The following GPC5 variants were observed in gnomAD, a reference collection of about 807,000 sequenced individuals.
GPC5 encodes the protein glypican-5.
Under a neutral mutation model 53.9 loss-of-function variants are expected in GPC5, and 47 were observed. That is an observed-to-expected ratio of 0.87 (90% confidence interval 0.69 to 1.11). The LOEUF (loss-of-function observed/expected upper bound fraction) is 1.11, where lower values mean the gene tolerates loss of function less well. Among genes scored for constraint, GPC5 ranks in the 50% most tolerant of loss-of-function variants. GPC5 has a pLI of 0.00. For synonymous variants in GPC5, 286 were observed against 263.3 expected, an observed-to-expected ratio of 1.09 and a Z score of -0.84; for missense variants, 748 against 713.1, an observed-to-expected ratio of 1.05 and a Z score of -0.56.
At chr13:91,824,100 C>T (rs2038538007) in intron 5 of GPC5, among the ~76,000 whole-genome samples, 1 of 151,966 alleles carries the variant, frequency 6.6e-6, no homozygotes, top group South Asian at 2.1e-4. Flanking sequence ...TTTAAAAAGT[C>T]TTCAGGGAAA....
At chr13:92,315,454 T>A (rs1358222553) in intron 7 of GPC5, among the ~76,000 whole-genome samples, 4 of 152,220 alleles carry the variant, frequency 2.6e-5, no homozygotes, top group Non-Finnish European at 1.5e-5. Context: ...ATACCCATAG[T>A]GATTTGGGCA....
intron 7 of GPC5, among the ~76,000 whole-genome samples, chr13:92,441,258 G>A (rs1877546917): frequency 6.6e-6 from 1 of 152,142 alleles, no homozygotes; most frequent in African/African-American, 2.4e-5. Flanking sequence ...TAGTAGAGAT[G>A]GGGTTTCGCC....
intron 5 of GPC5, among the ~76,000 whole-genome samples, chr13:91,822,061 G>A (rs1030472834): frequency 2.6e-5 from 4 of 152,172 alleles, no homozygotes; most frequent in Admixed American, 6.5e-5. Flanking sequence ...TGACTACACC[G>A]TAGAGTTCAA....
intron 3 of GPC5, among the ~76,000 whole-genome samples, chr13:91,709,564 G>A (rs538548273): frequency 6.6e-5 from 10 of 152,282 alleles, no homozygotes; most frequent in Non-Finnish European, 1.5e-5. Context: ...TCTGTGTTGC[G>A]AATAGATACC....
At position 92,491,885 on chromosome 13, in the gene GPC5, G is replaced by T. The variant is rs569850587; in HGVS notation, c.1561+346896G>T. Among the ~76,000 whole-genome samples, 4 of 151,900 alleles carry T rather than the reference G, an allele frequency of 2.6e-5. No homozygotes were observed. In the East Asian group the frequency reaches 7.8e-4, roughly 29 times the overall value. ...TTTGCCCTCAGTTTTCTTCTCTGTT[G>T]GTTCAAAGGAGATTCTTGTTAACTG... On this transcript the variant is annotated intron_variant, in intron 7 of 7. Transcript: ENST00000377067.
rs1491166204 is a variant in GPC5, at chr13:92,347,901, A to AG, written c.1561+202912_1561+202913insG. On this transcript the variant is annotated intron_variant, in intron 7 of 7. Coordinates refer to ENST00000377067, the MANE Select transcript of GPC5 (RefSeq NM_004466.6). ...TATATATTATATATATTATATATATAATATATATATAATATATATATATTA... is the reference window on the plus strand; with the variant it reads ...TATATATTATATATATTATATATATAGATATATATATAATATATATATATTA... Among the ~76,000 whole-genome samples, 5 of 13,960 alleles carry AG rather than the reference A, an allele frequency of 3.6e-4. 2 individuals carry two copies. The East Asian group carries it at 0.012, about 34-fold the overall frequency. 9.2% of individuals were successfully genotyped at this position (13,960 alleles called of 152,430 possible). A position where few individuals can be genotyped will look rare whatever the true frequency, so the allele number is the denominator to read the frequency against.
At chr13:91,630,819 A>G (rs1320145797) in intron 2 of GPC5, among the ~76,000 whole-genome samples, 1 of 152,122 alleles carries the variant, frequency 6.6e-6, no homozygotes, top group Non-Finnish European at 1.5e-5. Context: ...AAGGGGGTCA[A>G]GAAGGTTTTT....
chr13:91,911,037 G>A lies in GPC5; in HGVS notation c.1401+2980G>A, dbSNP rs912671838. Reference sequence around the variant, plus strand: ...GAAGAAAGGAGTCACAGGAAAACCTGTGAGAACTGTGTCTGGGGCAGAAGG... The same window carrying A: ...GAAGAAAGGAGTCACAGGAAAACCTATGAGAACTGTGTCTGGGGCAGAAGG... On this transcript the variant is annotated intron_variant, in intron 6 of 7. Coordinates refer to ENST00000377067, the MANE Select transcript of GPC5 (RefSeq NM_004466.6). Among the ~76,000 whole-genome samples the A allele has an allele frequency of 7.2e-5, 11 of 152,132 alleles. 1 individual carries two copies. Among genetic ancestry groups the A allele is most frequent in the African/African-American group, 1.7e-4 (7 of 41,426 alleles).
chr13:92,663,653 T>TATATATATACTATATATATACA (rs1886432878), intron 7 of GPC5, among the ~76,000 whole-genome samples: 3 of 130,370 alleles, frequency 2.3e-5, no homozygotes, highest in African/African-American at 9.5e-5. Flanking sequence ...ATATATATAC[T>TATATATATACTATATATATACA]ATATATATAT....
chr13:92,284,027 T>C (rs1406670208), intron 7 of GPC5, among the ~76,000 whole-genome samples: 5 of 151,804 alleles, frequency 3.3e-5, no homozygotes, highest in African/African-American at 4.8e-5. Flanking sequence ...AAGAATCAAA[T>C]AGACACAATA....
chr13:92,011,091 A>G (rs375523153), intron 6 of GPC5, among the ~76,000 whole-genome samples: 6 of 152,236 alleles, frequency 3.9e-5, no homozygotes, highest in Admixed American at 2.6e-4. Flanking sequence ...AGATGTAAAT[A>G]TAACTCTATA....
intron 7 of GPC5, among the ~76,000 whole-genome samples, chr13:92,489,324 A>T (rs986165481): frequency 6.6e-6 from 1 of 152,206 alleles, no homozygotes; most frequent in East Asian, 1.9e-4. Flanking sequence ...CTAGAGATAC[A>T]TCTTGTGACT....
chr13:91,544,783 G>C (rs759494497), intron 2 of GPC5, among the ~76,000 whole-genome samples: 1 of 152,052 alleles, frequency 6.6e-6, no homozygotes, highest in Non-Finnish European at 1.5e-5. Flanking sequence ...TTATTATCTC[G>C]CAATTTCTGA....
At chr13:91,615,134 G>A (rs897429519) in intron 2 of GPC5, among the ~76,000 whole-genome samples, 1 of 152,160 alleles carries the variant, frequency 6.6e-6, no homozygotes, top group African/African-American at 2.4e-5. Flanking sequence ...TGTTCTCACA[G>A]GATGTTTTAA....
At chr13:92,489,900 A>G (rs1016362502) in intron 7 of GPC5, among the ~76,000 whole-genome samples, 6 of 152,106 alleles carry the variant, frequency 3.9e-5, no homozygotes, top group African/African-American at 1.4e-4. Flanking sequence ...CAGCTTCTAA[A>G]AGGATAAAAT....
chr13:92,123,576 T>C (rs1257839800), intron 6 of GPC5, among the ~76,000 whole-genome samples: 1 of 152,198 alleles, frequency 6.6e-6, no homozygotes, highest in Non-Finnish European at 1.5e-5. Flanking sequence ...CTGATACCTT[T>C]TTTTGGAAAG....
At chr13:92,728,098 C>CA (rs1386670476) in intron 7 of GPC5, among the ~76,000 whole-genome samples, 2 of 151,462 alleles carry the variant, frequency 1.3e-5, no homozygotes, top group African/African-American at 2.4e-5. Flanking sequence ...CATAGAATGA[C>CA]AAAAAAATTT....
intron 6 of GPC5, among the ~76,000 whole-genome samples, chr13:92,139,666 C>CAAGA (rs2041814775): frequency 1.1e-5 from 1 of 94,174 alleles, no homozygotes; most frequent in African/African-American, 4.2e-5. Context: ...GATTCCGTCT[C>CAAGA]AAAAAAAAAA....
intron 6 of GPC5, among the ~76,000 whole-genome samples, chr13:92,084,740 A>G (rs1364679704): frequency 6.6e-6 from 1 of 152,328 alleles, no homozygotes; most frequent in African/African-American, 2.4e-5. Context: ...ATATATTTGT[A>G]TACAGTAATT....
Sources: gnomAD v4.1 joint callset for allele counts (sites outside exome capture counted in the v4.1 genomes callset) on GRCh38, gnomAD v4.1.1 for gene constraint, MANE v1.5 for transcripts, NCBI Gene and HGNC (gene_info 2026-07-23, HGNC 2026-07-21) for gene names.